Variants in ANO1 observed in about 807,000 individuals in gnomAD.
ANO1 encodes the protein anoctamin-1.
A neutral mutation model predicts 124.0 loss-of-function variants in ANO1; 59 were observed. The ratio of observed to expected loss-of-function variants is 0.48; its 90% CI spans 0.39 to 0.59. The LOEUF (loss-of-function observed/expected upper bound fraction) is 0.59, where lower values mean the gene tolerates loss of function less well. ANO1 is among the 20% of genes least tolerant of loss of function. The pLI is 0.00. For missense variants in ANO1, 1,059 were observed against 1,328.0 expected, an observed-to-expected ratio of 0.80 and a Z score of 3.15; for synonymous variants, 529 against 532.0, an observed-to-expected ratio of 0.99 and a Z score of 0.08.
At chr11:70,004,685 G>A (rs1554999814) in intron 1 of ANO1, among the ~76,000 whole-genome samples, 1 of 152,248 alleles carries the variant, frequency 6.6e-6, no homozygotes, top group East Asian at 1.9e-4. Context: ...TATCTTTTGT[G>A]TGGCTGCCCT....
intron 21 of ANO1, among the ~76,000 whole-genome samples, chr11:70,169,744 C>T (rs534945243): frequency 1.3e-5 from 2 of 152,232 alleles, no homozygotes; most frequent in Non-Finnish European, 2.9e-5. Flanking sequence ...GGCCATTCCC[C>T]GCCATGGCCC....
At position 69,995,305 on chromosome 11, in the gene ANO1, G is replaced by A. The variant is rs548575657; in HGVS notation, c.58+9139G>A. 2.6e-5 allele frequency among the ~76,000 whole-genome samples: 4 copies of A among 152,072 alleles called. No individual in the cohort carries two copies. In the East Asian group the frequency reaches 7.7e-4, roughly 29 times the overall value. On this transcript the variant is annotated intron_variant, in intron 1 of 27. Coordinates refer to the ANO1 transcript ENST00000531349. Reference sequence around the variant, plus strand: ...GTAGAGATGGGCTTTCACCATGTTGGCCAGGCTGGTCTTGAACTCCTGACC... The same window carrying A: ...GTAGAGATGGGCTTTCACCATGTTGACCAGGCTGGTCTTGAACTCCTGACC...
At chr11:70,026,469 A>G (rs1056172753) in intron 1 of ANO1, among the ~76,000 whole-genome samples, 2 of 110,638 alleles carry the variant, frequency 1.8e-5, no homozygotes, top group Non-Finnish European at 3.9e-5. Flanking sequence ...ATGATGGTGA[A>G]GATGGTGGTG....
intron 1 of ANO1, among the ~76,000 whole-genome samples, chr11:70,022,793 A>C (rs1555002749): frequency 6.6e-6 from 1 of 152,126 alleles, no homozygotes; most frequent in East Asian, 1.9e-4. Context: ...TTCAAGGAGG[A>C]GTTAAGGCTG....
chr11:70,094,462 T>G (rs1381600579), intron 2 of ANO1, among the ~76,000 whole-genome samples: 1 of 152,160 alleles, frequency 6.6e-6, no homozygotes, highest in Non-Finnish European at 1.5e-5. Flanking sequence ...GGCCTGGAAT[T>G]TGAGGAGTCT....
At chr11:70,069,063 G>A (rs1426842386) in intron 1 of ANO1, among the ~76,000 whole-genome samples, 6 of 152,334 alleles carry the variant, frequency 3.9e-5, no homozygotes, top group African/African-American at 1.4e-4. Flanking sequence ...GGGTCCCCCT[G>A]CCTTGTGAAA....
chr11:70,149,842 CT>C, intron 12 of ANO1, 50 bp downstream of exon 12: 1 of 1,589,770 alleles, frequency 6.3e-7, no homozygotes, highest in Non-Finnish European at 8.6e-7. Flanking sequence ...CACGTTCCCC[CT>C]ACCCCAGGAC....
intron 1 of ANO1, among the ~76,000 whole-genome samples, chr11:69,990,216 C>T (rs1363482156): frequency 6.6e-6 from 1 of 152,108 alleles, no homozygotes; most frequent in Non-Finnish European, 1.5e-5. Context: ...ATAAATTTGT[C>T]TATTCTAGAT....
At chr11:70,059,599 G>C (rs1291777776) in intron 1 of ANO1, among the ~76,000 whole-genome samples, 3 of 152,140 alleles carry the variant, frequency 2.0e-5, no homozygotes, top group Non-Finnish European at 4.4e-5. Context: ...CAAGCCTGAT[G>C]CGTAGGAAAA....
At chr11:69,989,016 G>A (rs1429324192) in intron 1 of ANO1, among the ~76,000 whole-genome samples, 2 of 152,028 alleles carry the variant, frequency 1.3e-5, no homozygotes, top group African/African-American at 4.8e-5. Flanking sequence ...ACGGAGGGAG[G>A]GAGGGAAGGA....
chr11:70,188,035 G>A lies in ANO1; in HGVS notation c.*31G>A, dbSNP rs1172687253. On this transcript the variant is annotated 3_prime_UTR_variant, in exon 26 of 26. Coordinates refer to ENST00000355303, the MANE Select transcript of ANO1 (RefSeq NM_018043.7). ...CCAGCGGGGCTGGGCAGGCCAGCCG[G>A]GCATCCTGACCGATGGGCACCCTCT... The A allele has an allele frequency of 6.5e-7, 1 of 1,540,116 alleles. No individual in the cohort carries two copies.
chr11:70,017,446 A>C (rs61886396), intron 1 of ANO1, among the ~76,000 whole-genome samples: 15 of 120,828 alleles, frequency 1.2e-4, no homozygotes, highest in South Asian at 3.1e-4. Context: ...TCCTTCCTTC[A>C]TTCCTTCCTT....
chr11:70,022,020 C>T lies in ANO1; in HGVS notation c.58+35854C>T, dbSNP rs77835453. Among the ~76,000 whole-genome samples, 1,479 of 152,232 alleles carry T rather than the reference C, an allele frequency of 9.7e-3. 26 individuals carry two copies. The highest frequency in any genetic ancestry group is 0.034 in the African/African-American group (1,411 of 41,524). The stretch of plus-strand genomic sequence containing the variant: ...AGATCAGACCCAAACTGAGAGAGTC[C>T]TGCTTCTCCCTGGGGTTGGGCCCCT... On this transcript the variant is annotated intron_variant, in intron 1 of 27. Transcript: ENST00000531349.
chr11:70,072,533 C>T (rs1434686291), intron 1 of ANO1: 2 of 152,212 alleles, frequency 1.3e-5, no homozygotes, highest in African/African-American at 4.8e-5. Flanking sequence ...CACAGTCGGC[C>T]CAGGAGGTGT....
intron 1 of ANO1, among the ~76,000 whole-genome samples, chr11:70,063,073 GCA>G: frequency 6.6e-6 from 1 of 152,086 alleles, no homozygotes; most frequent in Non-Finnish European, 1.5e-5. Flanking sequence ...GGGACTACAG[GCA>G]CATGCCACCA....
chr11:70,158,261 GC>G (rs1159758039), intron 16 of ANO1, among the ~76,000 whole-genome samples: 1 of 152,086 alleles, frequency 6.6e-6, no homozygotes, highest in Admixed American at 6.5e-5. Flanking sequence ...CCGCCTGCTA[GC>G]TGTGTTTCCA....
chr11:70,153,188 G>A lies in ANO1; in HGVS notation c.1425+60G>A, dbSNP rs539153702. On this transcript the variant is annotated intron_variant, in intron 14 of 25. Transcript: ENST00000355303. ...ATAAAACACTGTGTTCATCAACCAT[G>A]TAGACCTGGGATCAGCCCAGAGAAC... The A allele has an allele frequency of 4.8e-5, 68 of 1,411,374 alleles. No homozygotes were observed. In the East Asian group the frequency reaches 1.6e-3, roughly 34 times the overall value. 87.4% of individuals were successfully genotyped at this position (1,411,374 alleles called of 1,614,324 possible).
At chr11:70,091,928 G>A (rs1018136425) in intron 2 of ANO1, among the ~76,000 whole-genome samples, 6 of 152,316 alleles carry the variant, frequency 3.9e-5, no homozygotes, top group African/African-American at 9.6e-5. Context: ...CTTGGAGATC[G>A]GATAACAGCT....
intron 10 of ANO1, among the ~76,000 whole-genome samples, chr11:70,128,756 T>C (rs575255349): frequency 1.1e-4 from 17 of 152,344 alleles, no homozygotes; most frequent in Admixed American, 4.6e-4. Flanking sequence ...TCCTGCTCTT[T>C]GTATTTTGGC....
Sources: allele counts gnomAD v4.1 joint callset (sites outside exome capture counted in the v4.1 genomes callset), GRCh38; gene constraint gnomAD v4.1.1; transcripts MANE v1.5; gene names NCBI Gene and HGNC (gene_info 2026-07-23, HGNC 2026-07-21).